Variants in ZNF556 observed in about 807,000 individuals in gnomAD.
ZNF556 encodes the protein zinc finger protein 556.
A neutral mutation model predicts 13.6 loss-of-function variants in ZNF556; 11 were observed. That is an observed-to-expected ratio of 0.81 (90% CI 0.51 to 1.33). The LOEUF (loss-of-function observed/expected upper bound fraction) is 1.33. Among genes scored for constraint, ZNF556 ranks in the 40% most tolerant of loss-of-function variants. The pLI is 0.00. For synonymous variants in ZNF556, 229 were observed against 207.8 expected (o/e 1.10, Z -0.88); for missense variants, 633 against 566.2 (o/e 1.12, Z -1.20).
chr19:2,872,177 CT>C (rs910933791), intron 1 of ZNF556, among the ~76,000 whole-genome samples: 32 of 152,116 alleles, frequency 2.1e-4, no homozygotes, highest in African/African-American at 7.5e-4. Flanking sequence ...GCGGGCCTGA[CT>C]GATGTCAGGC....
intron 2 of ZNF556, among the ~76,000 whole-genome samples, chr19:2,874,374 A>G (rs1029861946): frequency 1.3e-5 from 2 of 152,184 alleles, no homozygotes; most frequent in Admixed American, 1.3e-4. Flanking sequence ...GATGTCCTGG[A>G]CCTAAAATTC....
rs1427344644 is a variant in ZNF556, at chr19:2,880,083, C to G, written c.*1754C>G. 1 of 152,066 alleles carries G rather than the reference C, an allele frequency of 6.6e-6. No homozygotes were observed. The highest frequency in any genetic ancestry group is 1.5e-5 in the Non-Finnish European group (1 of 68,004). 9.4% of individuals were successfully genotyped at this position (152,066 alleles called of 1,614,324 possible). On this transcript the variant is annotated 3_prime_UTR_variant, in exon 4 of 4. Transcript: ENST00000307635. ...TAAAAAAGCACAGGGGATTGTTTCCCTACTGCATCTACTGTGACCTAGTAT... is the reference window on the plus strand; with the variant it reads ...TAAAAAAGCACAGGGGATTGTTTCCGTACTGCATCTACTGTGACCTAGTAT...
intron 1 of ZNF556, among the ~76,000 whole-genome samples, chr19:2,869,218 C>T (rs1599576334): frequency 6.6e-6 from 1 of 152,118 alleles, no homozygotes; most frequent in East Asian, 1.9e-4. Flanking sequence ...TCCCCAAGAG[C>T]CTGGTCCACA....
Position 2,870,994 on chromosome 19 carries a change from G to A in ZNF556, c.4-2502G>A, listed in dbSNP as rs60602789. Among the ~76,000 whole-genome samples, 1,448 of 145,846 alleles carry A rather than the reference G, an allele frequency of 9.9e-3. 22 individuals carry two copies. Among genetic ancestry groups the A allele is most frequent in the African/African-American group, 0.035 (1,378 of 39,420 alleles). ...GTGGAGGTTGCAGTGAGCCGAGATCGCACCATTGCACTCCAGCCTAGGTGA... is the reference window on the plus strand; with the variant it reads ...GTGGAGGTTGCAGTGAGCCGAGATCACACCATTGCACTCCAGCCTAGGTGA... On this transcript the variant is annotated intron_variant, in intron 1 of 3. Transcript: ENST00000307635.
rs1466968238 is a variant in ZNF556, at chr19:2,882,151, G to A, written c.*3822G>A. The A allele has an allele frequency of 6.6e-6, 1 of 152,168 alleles. No homozygotes were observed. Among genetic ancestry groups the A allele is most frequent in the Non-Finnish European group, 1.5e-5 (1 of 68,088 alleles). The allele number at this position is 152,168 out of a possible 1,614,324, so 9.4% of individuals were successfully genotyped here. A position where few individuals can be genotyped will look rare whatever the true frequency, so the allele number is the denominator to read the frequency against. ...GAAACAATAATTATTTCCCTGGCCG[G>A]GCGCGGTGGCTCACGCCTGTAATCC... On this transcript the variant is annotated 3_prime_UTR_variant, in exon 4 of 4. Transcript: ENST00000307635.
chr19:2,870,489 G>T (rs1324399575), intron 1 of ZNF556, among the ~76,000 whole-genome samples: 1 of 151,870 alleles, frequency 6.6e-6, no homozygotes, highest in Non-Finnish European at 1.5e-5. Flanking sequence ...GCTCACGCCT[G>T]TAATCCCAGC....
chr19:2,877,489 T>C lies in ZNF556; in HGVS notation c.531T>C (p.Cys177=), dbSNP rs1422801597. Residue 177 remains cysteine (C), a synonymous_variant, in exon 4 of 4, where the codon TGT becomes TGC. Transcript: ENST00000307635. The part of the protein sequence containing the change: ...RAHSGQKLYK[C]KECGKAFSRP... ...ACTCTGGACAAAAATTATATAAATG[T>C]AAGGAATGTGGGAAAGCCTTCAGTC... is the stretch of plus-strand genomic sequence containing the variant. The C allele has an allele frequency of 6.2e-7, 1 of 1,614,168 alleles. No homozygotes were observed. The highest frequency in any genetic ancestry group is 1.1e-5 in the South Asian group (1 of 91,080).
At chr19:2,874,143 G>C (rs554382540) in intron 2 of ZNF556, among the ~76,000 whole-genome samples, 14 of 152,180 alleles carry the variant, frequency 9.2e-5, no homozygotes, top group Non-Finnish European at 1.5e-4. Context: ...TGTAATCCCA[G>C]CTACTCGGGA....
At chr19:2,873,412 G>A in intron 1 of ZNF556, 84 bp from the exon 2 acceptor site, 2 of 1,519,796 alleles carry the variant, frequency 1.3e-6, no homozygotes, top group Admixed American at 1.7e-5. Context: ...AGGATCTTGT[G>A]TGAGTGTCCT....
chr19:2,877,784 G>A lies in ZNF556; in HGVS notation c.826G>A (p.Val276Ile), dbSNP rs899573122. 1 of 1,613,488 alleles carries A rather than the reference G, an allele frequency of 6.2e-7. No homozygotes were observed. The highest frequency in any genetic ancestry group is 8.5e-7 in the Non-Finnish European group (1 of 1,179,816). Residue 276 changes from valine (V) to isoleucine (I), a missense_variant, in exon 4 of 4, where the codon GTC becomes ATC. Physicochemically the swap from Val to Ile is conservative, Grantham distance 29 (BLOSUM62 3). Coordinates refer to ENST00000307635, the MANE Select transcript of ZNF556 (RefSeq NM_024967.3). Reference sequence around the variant, plus strand: ...CTTCAGGTGTCAGAAATCCTTTCGAGTCCATATGATCATGCACGCCGGAGG... The same window carrying A: ...CTTCAGGTGTCAGAAATCCTTTCGAATCCATATGATCATGCACGCCGGAGG... ...KAFRCQKSFR[V>I]HMIMHAGGRP...
At chr19:2,867,656 A>G (rs867418288) in intron 1 of ZNF556, among the ~76,000 whole-genome samples, 1 of 141,162 alleles carries the variant, frequency 7.1e-6, no homozygotes, top group South Asian at 2.2e-4. Context: ...GGCAGAAATG[A>G]CTCCTGCCCT....
chr19:2,869,686 C>T (rs16991489), intron 1 of ZNF556, among the ~76,000 whole-genome samples: 1 of 152,100 alleles, frequency 6.6e-6, no homozygotes, highest in Admixed American at 6.6e-5. Context: ...TCTTATGCTG[C>T]TCTTGCACAG....
rs1599584599 is a variant in ZNF556, at chr19:2,878,965, A to C, written c.*636A>C. Reference sequence around the variant, plus strand: ...TTAATATGCATTAACTTTAATTTTTATATATTTTTTTTGTTACTCCGTGTG... The same window carrying C: ...TTAATATGCATTAACTTTAATTTTTCTATATTTTTTTTGTTACTCCGTGTG... On this transcript the variant is annotated 3_prime_UTR_variant, in exon 4 of 4. Transcript: ENST00000307635. 1.3e-5 allele frequency: 2 copies of C among 152,060 alleles called. No homozygotes were observed. The highest frequency in any genetic ancestry group is 3.8e-4 in the East Asian group (2 of 5,204). The allele number at this position is 152,060 out of a possible 1,614,324, so 9.4% of individuals were successfully genotyped here. A position where few individuals can be genotyped will look rare whatever the true frequency, so the allele number is the denominator to read the frequency against.
intron 2 of ZNF556, among the ~76,000 whole-genome samples, chr19:2,874,400 A>G (rs1022266784): frequency 4.6e-5 from 7 of 152,140 alleles, no homozygotes; most frequent in Non-Finnish European, 8.8e-5. Flanking sequence ...CTTCTCTGTG[A>G]TAATAAAAAT....
In ZNF556 at chr19:2,882,531, A is replaced by AGTGT. The variant is rs1555726894; in HGVS notation, c.*4234_*4237dup. The AGTGT allele has an allele frequency of 0.017, 2,112 of 127,666 alleles. 23 individuals carry two copies. Among genetic ancestry groups the AGTGT allele is most frequent in the African/African-American group, 0.031 (1,019 of 32,978 alleles). 7.9% of individuals were successfully genotyped at this position (127,666 alleles called of 1,614,324 possible). ...ATACATTTTATATATATATATATAT[A>AGTGT]GTGTGTGTGTGTGTGTGTGTGTGTG... On this transcript the variant is annotated 3_prime_UTR_variant, in exon 4 of 4. Transcript: ENST00000307635.
chr19:2,873,870 T>C (rs1424631274), intron 2 of ZNF556, among the ~76,000 whole-genome samples: 1 of 151,812 alleles, frequency 6.6e-6, no homozygotes, highest in Non-Finnish European at 1.5e-5. Context: ...GGCAGGAGAA[T>C]CGCTTGAGAC....
chr19:2,873,325 C>CT (rs1568352707), intron 1 of ZNF556, among the ~76,000 whole-genome samples, 171 bp from the exon 2 acceptor site: 4 of 151,988 alleles, frequency 2.6e-5, no homozygotes, highest in Admixed American at 2.6e-4. Context: ...ACAAAAAAAC[C>CT]TACGACACAG....
At position 2,878,433 on chromosome 19, in the gene ZNF556, G is replaced by A. The variant is rs1056900103; in HGVS notation, c.*104G>A. ...CGCCTGTAATCCCAGCACTTTGGGA[G>A]GCCGAGGCAGGCGGATCACGAGGTC... On this transcript the variant is annotated 3_prime_UTR_variant, in exon 4 of 4. Transcript: ENST00000307635. 85 of 1,143,792 alleles carry A rather than the reference G, an allele frequency of 7.4e-5. No individual in the cohort carries two copies. The highest frequency in any genetic ancestry group is 1.0e-4 in the Non-Finnish European group (82 of 805,932). 70.9% of individuals were successfully genotyped at this position (1,143,792 alleles called of 1,614,324 possible).
chr19:2,873,365 C>A lies in ZNF556; in HGVS notation c.4-131C>A, dbSNP rs575100480. The stretch of plus-strand genomic sequence containing the variant: ...TGATTACAGACAGAGGGGAAGAGGT[C>A]TGAGGACTGAGTCTTAAATAGATAT... On this transcript the variant is annotated intron_variant, in intron 1 of 3. Coordinates refer to ENST00000307635, the MANE Select transcript of ZNF556 (RefSeq NM_024967.3). 3 of 1,094,218 alleles carry A rather than the reference C, an allele frequency of 2.7e-6. No homozygotes were observed. In the East Asian group the frequency reaches 7.3e-5, roughly 27 times the overall value. 67.8% of individuals were successfully genotyped at this position (1,094,218 alleles called of 1,614,324 possible). A position where few individuals can be genotyped will look rare whatever the true frequency, so the allele number is the denominator to read the frequency against.
Sources: allele counts gnomAD v4.1 joint callset (sites outside exome capture counted in the v4.1 genomes callset), GRCh38; gene constraint gnomAD v4.1.1; transcripts MANE v1.5; gene names NCBI Gene and HGNC (gene_info 2026-07-23, HGNC 2026-07-21).